The following NWD1 variants were observed in gnomAD, a reference collection of about 807,000 sequenced individuals.
NWD1 encodes the protein NACHT and WD repeat domain containing 1.
A neutral mutation model predicts 135.1 loss-of-function variants in NWD1; 129 were observed. That is an observed-to-expected ratio of 0.96 (90% confidence interval 0.83 to 1.11). NWD1 has a LOEUF of 1.11. Among genes scored for constraint, NWD1 ranks in the 50% least tolerant of loss-of-function variants. The pLI is 0.00. For missense variants in NWD1, 1,740 were observed against 1,851.3 expected (o/e 0.94, Z 1.10); for synonymous variants, 773 against 786.0 (o/e 0.98, Z 0.28).
In NWD1 at chr19:16,750,016, C is replaced by T. The variant is rs1968503180; in HGVS notation, c.1374C>T (p.Cys458=). Residue 458 remains cysteine, a synonymous_variant, in exon 6 of 19, where the codon TGC becomes TGT. Coordinates refer to ENST00000524140, the MANE Select transcript of NWD1 (RefSeq NM_001007525.5). ...GGGTTCCCTGGCTGCCTCTCAACTG[C>T]CCCCCGAGGGTGCACCTCATCCTCT... ...ARRVPWLPLN[C]PPRVHLILSA... 3 of 1,613,528 alleles carry T rather than the reference C, an allele frequency of 1.9e-6. No individual in the cohort carries two copies. In the South Asian group the frequency reaches 3.3e-5, roughly 18 times the overall value.
intron 4 of NWD1, among the ~76,000 whole-genome samples, chr19:16,739,166 A>G (rs1353304584): frequency 1.4e-5 from 2 of 139,992 alleles, no homozygotes; most frequent in Admixed American, 7.4e-5. Flanking sequence ...AAGGAGCCCA[A>G]TGATCATTTT....
chr19:16,814,040 C>T (rs1947185192), intron 18 of NWD1, among the ~76,000 whole-genome samples: 1 of 151,816 alleles, frequency 6.6e-6, no homozygotes, highest in Admixed American at 6.6e-5. Context: ...TGCTTGTAGT[C>T]CCAGCTACTC....
At chr19:16,733,931 A>T (rs28431450) in intron 3 of NWD1, among the ~76,000 whole-genome samples, 4 of 149,644 alleles carry the variant, frequency 2.7e-5, no homozygotes, top group Non-Finnish European at 4.5e-5. Flanking sequence ...GCCTCTCACC[A>T]CTTGTCTTAA....
At chr19:16,789,283 C>A in intron 13 of NWD1, 93 bp downstream of exon 13, 1 of 955,118 alleles carries the variant, frequency 1.0e-6, no homozygotes, top group Non-Finnish European at 1.6e-6. Context: ...CTCCCTGATA[C>A]AGTGATGGGG....
At chr19:16,740,538 A>G (rs2122752322) in intron 4 of NWD1, among the ~76,000 whole-genome samples, 1 of 150,886 alleles carries the variant, frequency 6.6e-6, no homozygotes, top group Admixed American at 6.6e-5. Context: ...GGGTTTCGCC[A>G]TGTTGGCCAG....
intron 2 of NWD1, chr19:16,727,368 C>A (rs963189169): frequency 1.3e-5 from 2 of 152,644 alleles, no homozygotes; most frequent in African/African-American, 4.8e-5. Flanking sequence ...GCTGGTTCAG[C>A]TCCCCAGAGG....
At chr19:16,749,060 G>T in intron 5 of NWD1, 79 bp from the exon 6 acceptor site, 1 of 1,117,614 alleles carries the variant, frequency 8.9e-7, no homozygotes, top group Non-Finnish European at 1.3e-6. Context: ...CCAACAACAG[G>T]TCTCCCAGCA....
At chr19:16,802,213 C>A (rs1461852863) in intron 17 of NWD1, among the ~76,000 whole-genome samples, 1 of 151,430 alleles carries the variant, frequency 6.6e-6, no homozygotes, top group Non-Finnish European at 1.5e-5. Context: ...GCCCGGCAGG[C>A]AGAGGTTGCA....
At position 16,794,462 on chromosome 19, in the gene NWD1, G is replaced by T; in HGVS notation, c.3214-1G>T. 1.2e-6 allele frequency: 2 copies of T among 1,605,436 alleles called. No homozygotes were observed. Among genetic ancestry groups the T allele is most frequent in the South Asian group, 2.2e-5 (2 of 90,376 alleles). Reference sequence around the variant, plus strand: ...TGACAGGCATCCCTGGTTCTGCACAGGTTTCCTCCAAAGGGGACAGATTGC... The same window carrying T: ...TGACAGGCATCCCTGGTTCTGCACATGTTTCCTCCAAAGGGGACAGATTGC... On this transcript the variant is annotated splice_acceptor_variant, in intron 14 of 18. Transcript: ENST00000524140. LOFTEE classifies it high-confidence loss of function.
rs757112691 is a variant in NWD1 at position 16,761,962 on chromosome 19, G to A, written c.1974-17G>A. 3 of 1,611,930 alleles carry A rather than the reference G, an allele frequency of 1.9e-6. No individual in the cohort carries two copies. Among genetic ancestry groups the A allele is most frequent in the East Asian group, 2.2e-5 (1 of 44,824 alleles). On this transcript the variant is annotated splice_polypyrimidine_tract_variant and intron_variant, in intron 7 of 18. Coordinates refer to ENST00000524140, the MANE Select transcript of NWD1 (RefSeq NM_001007525.5). ...ATGGGTCACCCAGGTCTATCAGTCTGTATACCCTCTCTGTAGACAGCTGGT... is the reference window on the plus strand; with the variant it reads ...ATGGGTCACCCAGGTCTATCAGTCTATATACCCTCTCTGTAGACAGCTGGT...
At chr19:16,758,845 T>C (rs1968892557) in intron 6 of NWD1, among the ~76,000 whole-genome samples, 1 of 151,714 alleles carries the variant, frequency 6.6e-6, no homozygotes, top group Non-Finnish European at 1.5e-5. Flanking sequence ...CCGTCTCTAC[T>C]AAAAATGCAA....
At chr19:16,728,674 G>T (rs1417623059) in intron 2 of NWD1, among the ~76,000 whole-genome samples, 1 of 151,974 alleles carries the variant, frequency 6.6e-6, no homozygotes, top group Non-Finnish European at 1.5e-5. Context: ...GCCGGGTGCA[G>T]TGGCTCACAC....
chr19:16,744,702 G>C lies in NWD1; in HGVS notation c.480G>C (p.Gln160His). The C allele has an allele frequency of 6.5e-7, 1 of 1,535,994 alleles. No homozygotes were observed. The highest frequency in any genetic ancestry group is 1.2e-5 in the South Asian group (1 of 84,056). Residue 160 changes from glutamine (Q) to histidine (H), a missense_variant, in exon 5 of 19, where the codon CAG becomes CAC. Coordinates refer to ENST00000524140, the MANE Select transcript of NWD1 (RefSeq NM_001007525.5). ...RLGLITQEQW[Q>H]HYHRSVIEWE... ...GGCTCATCACCCAGGAGCAGTGGCA[G>C]CACTACCACCGGTCAGGTGAGGCCG...
intron 7 of NWD1, among the ~76,000 whole-genome samples, chr19:16,759,921 G>A (rs1402833464): frequency 6.6e-6 from 1 of 152,072 alleles, no homozygotes; most frequent in Non-Finnish European, 1.5e-5. Flanking sequence ...TTGAACCTGG[G>A]AGGCAGAGGT....
rs79965240 is a variant in NWD1, at chr19:16,804,649, G to A, written c.3737-2937G>A. Among the ~76,000 whole-genome samples, 1,028 of 151,892 alleles carry A rather than the reference G, an allele frequency of 6.8e-3. 17 individuals are homozygous for A. The highest frequency in any genetic ancestry group is 0.024 in the African/African-American group (973 of 41,360). ...AAATTTGTTTATCATATTTCTGGAG[G>A]AGGCTGGGGAGTCCAAGATCAAGGT... On this transcript the variant is annotated intron_variant, in intron 17 of 18. Coordinates refer to ENST00000524140, the MANE Select transcript of NWD1 (RefSeq NM_001007525.5).
intron 3 of NWD1, among the ~76,000 whole-genome samples, chr19:16,731,612 T>TC (rs2122701258): frequency 6.7e-6 from 1 of 148,160 alleles, no homozygotes; most frequent in East Asian, 2.0e-4. Context: ...GCCCCATGCT[T>TC]TTTTTTTTTT....
At chr19:16,767,014 C>G (rs1969245681) in intron 10 of NWD1, among the ~76,000 whole-genome samples, 2 of 152,226 alleles carry the variant, frequency 1.3e-5, no homozygotes, top group South Asian at 4.1e-4. Context: ...ATTAAACATT[C>G]ACTCCCTGTA....
rs544301733 is a variant in NWD1, at chr19:16,760,081, G to A, written c.1973+653G>A. 3.3e-5 allele frequency among the ~76,000 whole-genome samples: 5 copies of A among 152,032 alleles called. No individual in the cohort carries two copies. The East Asian group carries it at 9.7e-4, about 30-fold the overall frequency. The stretch of plus-strand genomic sequence containing the variant: ...GAGGTGGGAGGATCACTTGAGCCCA[G>A]GAGTTTGAGGCCACACTGAGCCGTG... On this transcript the variant is annotated intron_variant, in intron 7 of 18. Coordinates refer to ENST00000524140, the MANE Select transcript of NWD1 (RefSeq NM_001007525.5).
Position 16,791,629 on chromosome 19 carries a change from A to C in NWD1, c.3213+7A>C. 1 of 1,613,448 alleles carries C rather than the reference A, an allele frequency of 6.2e-7. No homozygotes were observed. Among genetic ancestry groups the C allele is most frequent in the Non-Finnish European group, 8.5e-7 (1 of 1,179,518 alleles). ...CAATGGCTCCATCTCTTTGGTAAGC[A>C]CCTTTACTGACTATGATGTGAACAT... On this transcript the variant is annotated splice_region_variant and intron_variant, in intron 14 of 18. Transcript: ENST00000524140.
Sources: allele counts gnomAD v4.1 joint callset (sites outside exome capture counted in the v4.1 genomes callset), GRCh38; gene constraint gnomAD v4.1.1; transcripts MANE v1.5; gene names NCBI Gene and HGNC (gene_info 2026-07-23, HGNC 2026-07-21).